Variants in KDM4C observed in about 807,000 individuals in gnomAD.
The protein encoded by KDM4C is lysine-specific demethylase 4C.
Under a neutral mutation model 129.3 loss-of-function variants are expected in KDM4C, and 81 were observed. The ratio of observed to expected loss-of-function variants is 0.63; its 90% confidence interval spans 0.52 to 0.75. The LOEUF (loss-of-function observed/expected upper bound fraction) is 0.75. KDM4C is among the 30% of genes least tolerant of loss of function. KDM4C has a pLI of 0.00. For synonymous variants in KDM4C, 573 were observed against 456.1 expected (o/e 1.26, Z -3.26); for missense variants, 1,457 against 1,304.0 (o/e 1.12, Z -1.81).
chr9:6,899,965 T>A (rs1011815565), intron 8 of KDM4C, among the ~76,000 whole-genome samples: 32 of 152,368 alleles, frequency 2.1e-4, no homozygotes, highest in African/African-American at 7.2e-4. Context: ...AATTTGCCTT[T>A]TGAATAACTT....
chr9:7,062,570 G>T (rs1831852901), intron 17 of KDM4C, among the ~76,000 whole-genome samples: 1 of 151,632 alleles, frequency 6.6e-6, no homozygotes, highest in African/African-American at 2.4e-5. Context: ...TTTTTGTCAG[G>T]GTGGGGTCTT....
chr9:7,100,729 C>T (rs935263515), intron 17 of KDM4C, among the ~76,000 whole-genome samples: 1 of 152,060 alleles, frequency 6.6e-6, no homozygotes, highest in Non-Finnish European at 1.5e-5. Flanking sequence ...GTTTCTGCTG[C>T]TTTTAATTAT....
At chr9:7,037,648 C>T (rs537979375) in intron 15 of KDM4C, among the ~76,000 whole-genome samples, 11 of 151,944 alleles carry the variant, frequency 7.2e-5, no homozygotes, top group East Asian at 1.9e-4. Context: ...ATTAGGTGAG[C>T]GAAAGGGACC....
chr9:6,799,054 G>T (rs1040055463), intron 2 of KDM4C, among the ~76,000 whole-genome samples: 20 of 150,848 alleles, frequency 1.3e-4, no homozygotes, highest in Admixed American at 1.3e-3. Context: ...GATGGCGGCC[G>T]GGCAGAGACG....
At chr9:6,873,784 T>A (rs1843129205) in intron 5 of KDM4C, among the ~76,000 whole-genome samples, 1 of 152,226 alleles carries the variant, frequency 6.6e-6, no homozygotes, top group Non-Finnish European at 1.5e-5. Context: ...TTTCTTTGCA[T>A]TCCTAAGTTT....
chr9:6,980,712 C>G (rs777664808), intron 8 of KDM4C, among the ~76,000 whole-genome samples: 13 of 152,130 alleles, frequency 8.5e-5, no homozygotes, highest in Admixed American at 2.0e-4. Flanking sequence ...GGTCCACAAA[C>G]CATTATAACC....
At chr9:6,883,966 G>GTTAAATTTATGC (rs1844866309) in intron 6 of KDM4C, among the ~76,000 whole-genome samples, 4 of 152,100 alleles carry the variant, frequency 2.6e-5, no homozygotes, top group African/African-American at 4.8e-5. Flanking sequence ...AGTTAAACTG[G>GTTAAATTTATGC]GTGGAAATTT....
chr9:7,130,672 G>C (rs962087029), intron 19 of KDM4C, among the ~76,000 whole-genome samples: 1 of 152,238 alleles, frequency 6.6e-6, no homozygotes, highest in Non-Finnish European at 1.5e-5. Context: ...TTGCCCTGGA[G>C]GGGGGCAGGT....
At chr9:6,970,435 A>T (rs747624623) in intron 8 of KDM4C, among the ~76,000 whole-genome samples, 1 of 152,232 alleles carries the variant, frequency 6.6e-6, no homozygotes, top group South Asian at 2.1e-4. Context: ...GTTACTGTGG[A>T]CATATTGCTG....
intron 5 of KDM4C, among the ~76,000 whole-genome samples, chr9:6,860,724 G>C (rs535558130): frequency 1.8e-4 from 27 of 152,330 alleles, no homozygotes; most frequent in African/African-American, 6.5e-4. Flanking sequence ...CAGTAGTACA[G>C]AGCAAATAGT....
chr9:6,907,622 G>A (rs1818555876), intron 8 of KDM4C, among the ~76,000 whole-genome samples: 1 of 152,052 alleles, frequency 6.6e-6, no homozygotes, highest in Non-Finnish European at 1.5e-5. Flanking sequence ...AGCATTTAAA[G>A]CATTACTCTA....
At chr9:6,835,542 G>T in intron 4 of KDM4C, 1 of 1,403,992 alleles carries the variant, frequency 7.1e-7, no homozygotes, top group Non-Finnish European at 1.0e-6. Flanking sequence ...AGTATGATGA[G>T]TCCGGCTCCA....
chr9:7,029,314 C>G (rs12377411), intron 15 of KDM4C, among the ~76,000 whole-genome samples: 7,892 of 144,886 alleles, frequency 0.054, 290 homozygotes, highest in Middle Eastern at 0.17. Context: ...TTTTTTTTGC[C>G]TATACTGAAA....
intron 8 of KDM4C, among the ~76,000 whole-genome samples, chr9:6,914,014 G>C (rs998681266): frequency 6.6e-6 from 1 of 152,178 alleles, no homozygotes; most frequent in African/African-American, 2.4e-5. Flanking sequence ...CTTGTTTGCA[G>C]TTGAAAGCCT....
At chr9:6,880,929 T>G (rs1396785772) in intron 6 of KDM4C, among the ~76,000 whole-genome samples, 2 of 152,202 alleles carry the variant, frequency 1.3e-5, no homozygotes, top group African/African-American at 2.4e-5. Flanking sequence ...AGGCTGGTAG[T>G]GACTTATTTC....
intron 3 of KDM4C, among the ~76,000 whole-genome samples, chr9:6,812,791 C>A (rs1831401698): frequency 6.6e-6 from 1 of 152,154 alleles, no homozygotes; most frequent in Non-Finnish European, 1.5e-5. Flanking sequence ...TTAGCTTGTG[C>A]CTGGAATTCC....
intron 8 of KDM4C, among the ~76,000 whole-genome samples, chr9:6,931,127 C>A (rs1428417171): frequency 6.6e-6 from 1 of 151,518 alleles, no homozygotes; most frequent in Non-Finnish European, 1.5e-5. Flanking sequence ...TTCTCACCCC[C>A]CCCACACAAA....
intron 1 of KDM4C, among the ~76,000 whole-genome samples, chr9:6,749,713 G>T (rs1198312016): frequency 6.6e-6 from 1 of 151,836 alleles, no homozygotes; most frequent in East Asian, 1.9e-4. Flanking sequence ...CTGGCTGGGC[G>T]CAGTGGCTCA....
At chr9:7,095,683 A>T (rs1011048331) in intron 17 of KDM4C, among the ~76,000 whole-genome samples, 6 of 152,174 alleles carry the variant, frequency 3.9e-5, no homozygotes, top group Non-Finnish European at 5.9e-5. Context: ...AAAACTGGGT[A>T]AGTTGAATAG....
Sources: allele counts gnomAD v4.1 joint callset (sites outside exome capture counted in the v4.1 genomes callset), GRCh38; gene constraint gnomAD v4.1.1; transcripts MANE v1.5; gene names NCBI Gene and HGNC (gene_info 2026-07-23, HGNC 2026-07-21).